Variants in CACNA1B observed in about 807,000 individuals in gnomAD.
CACNA1B encodes the protein voltage-dependent N-type calcium channel subunit alpha-1B.
In CACNA1B, 70 loss-of-function variants were observed where a neutral mutation model predicts 247.2. The observed-to-expected ratio is 0.28, with a 90% CI of 0.23 to 0.35. The LOEUF is 0.35. Ranked by LOEUF, CACNA1B falls within the 10% of genes least tolerant of loss-of-function variation. CACNA1B has a pLI of 1.00. For synonymous variants in CACNA1B, 1,231 were observed against 1,294.4 expected (o/e 0.95, Z 1.05); for missense variants, 2,367 against 3,197.4 (o/e 0.74, Z 6.26).
At chr9:138,105,852 T>G (rs1247996391) in intron 39 of CACNA1B, 45 bp downstream of exon 39, 1 of 1,045,928 alleles carries the variant, frequency 9.6e-7, no homozygotes, top group Non-Finnish European at 1.4e-6. Flanking sequence ...CCCAGGGATG[T>G]GCACCTCCGC....
At chr9:138,070,734 C>T (rs768324822) in intron 32 of CACNA1B, among the ~76,000 whole-genome samples, 10 of 152,252 alleles carry the variant, frequency 6.6e-5, no homozygotes, top group African/African-American at 1.9e-4. Context: ...CTCTGCTCAG[C>T]GTCACCTCCT....
intron 35 of CACNA1B, among the ~76,000 whole-genome samples, chr9:138,077,178 C>T (rs927442840): frequency 1.3e-5 from 2 of 152,194 alleles, no homozygotes; most frequent in Non-Finnish European, 2.9e-5. Flanking sequence ...CCCCCTGCCT[C>T]CGGCTGTCAT....
At chr9:138,119,086 G>A (rs902209024) in intron 44 of CACNA1B, among the ~76,000 whole-genome samples, 6 of 152,072 alleles carry the variant, frequency 3.9e-5, no homozygotes, top group Admixed American at 1.3e-4. Context: ...GCTCAGCCAC[G>A]TTCTGTTCCT....
intron 44 of CACNA1B, 37 bp downstream of exon 44, chr9:138,118,805 C>A: frequency 2.2e-6 from 2 of 929,506 alleles, no homozygotes; most frequent in Non-Finnish European, 3.3e-6. Flanking sequence ...CTGGGCTGGG[C>A]AAGTGGGGGG....
chr9:137,988,450 A>G (rs1190816738), intron 15 of CACNA1B, among the ~76,000 whole-genome samples: 1 of 152,140 alleles, frequency 6.6e-6, no homozygotes, highest in African/African-American at 2.4e-5. Context: ...TGTGTGTTGC[A>G]AGAAAAGACC....
chr9:137,951,021 G>T (rs1358306110), intron 6 of CACNA1B, among the ~76,000 whole-genome samples: 1 of 152,220 alleles, frequency 6.6e-6, no homozygotes, highest in Non-Finnish European at 1.5e-5. Context: ...TGCTTGAGCA[G>T]GTGAGAGGGG....
At chr9:137,887,245 T>TC (rs1464428485) in intron 3 of CACNA1B, among the ~76,000 whole-genome samples, 1 of 144,938 alleles carries the variant, frequency 6.9e-6, no homozygotes, top group Non-Finnish European at 1.5e-5. Flanking sequence ...AGCCATGTGG[T>TC]GGGGGTGAGG....
chr9:138,011,507 C>T lies in CACNA1B; in HGVS notation c.2160+1430C>T, dbSNP rs1958724086. On this transcript the variant is annotated intron_variant, in intron 17 of 46. Transcript: ENST00000371372. This position sits in a 1 kb window ranked among gnomAD's most constrained non-coding sequence, Gnocchi z 4.2. ...AGTTTATGACTCGACCATCCCCTTC[C>T]CTTATATTCCCATAATATTCCCACA... is the stretch of plus-strand genomic sequence containing the variant. 6.6e-6 allele frequency among the ~76,000 whole-genome samples: 1 copy of T among 152,180 alleles called. No homozygotes were observed.
rs1418318247 is a variant in CACNA1B, at chr9:137,881,722, C to T, written c.391-1022C>T. Among the ~76,000 whole-genome samples, 3 of 152,346 alleles carry T rather than the reference C, an allele frequency of 2.0e-5. No individual in the cohort carries two copies. Among genetic ancestry groups the T allele is most frequent in the African/African-American group, 7.2e-5 (3 of 41,588 alleles). On this transcript the variant is annotated intron_variant, in intron 2 of 46. Transcript: ENST00000371372. The surrounding 1 kb of genome is among the most constrained non-coding windows in gnomAD (Gnocchi z 4.3). ...TGTGCTCACGAGGAGTCTTTGGGGT[C>T]TCCCTAAGCTCCACACAGCCCCATC...
chr9:137,878,248 G>T lies in CACNA1B; in HGVS notation c.284+31G>T, dbSNP rs747844000. On this transcript the variant is annotated intron_variant, in intron 1 of 46. Transcript: ENST00000371372. ...CTGCCGGGCGGGGCCGGGCGGGGCC[G>T]GGCGGGGACCGGGGTGGGGGCCGGG... The T allele has an allele frequency of 3.3e-6, 4 of 1,211,722 alleles. No individual in the cohort carries two copies. The Admixed American group carries it at 1.2e-4, about 38-fold the overall frequency. The allele number at this position is 1,211,722 out of a possible 1,614,324, so 75.1% of individuals were successfully genotyped here.
At chr9:138,042,464 CA>C (rs967009048) in intron 20 of CACNA1B, among the ~76,000 whole-genome samples, 425 of 148,350 alleles carry the variant, frequency 2.9e-3, no homozygotes, top group Non-Finnish European at 4.1e-3. Context: ...TAAACAAAAA[CA>C]AAAAAAAAAC....
intron 21 of CACNA1B, among the ~76,000 whole-genome samples, chr9:138,044,687 G>C (rs1047570989): frequency 2.0e-5 from 3 of 152,232 alleles, no homozygotes; most frequent in Non-Finnish European, 4.4e-5. Context: ...GGCCAGAGCA[G>C]GGGCTGGGCA....
chr9:138,092,860 G>A (rs886079321), intron 36 of CACNA1B, among the ~76,000 whole-genome samples: 2 of 152,160 alleles, frequency 1.3e-5, no homozygotes, highest in Non-Finnish European at 2.9e-5. Flanking sequence ...CTCCGTTCAG[G>A]GTCCCTGACT....
chr9:137,920,162 A>G (rs964958679), intron 6 of CACNA1B, among the ~76,000 whole-genome samples: 5 of 151,888 alleles, frequency 3.3e-5, no homozygotes, highest in African/African-American at 9.7e-5. Context: ...ATGGTGAAGC[A>G]TGTCAGTTTG....
intron 15 of CACNA1B, among the ~76,000 whole-genome samples, chr9:137,987,632 T>C (rs1339448869): frequency 6.6e-6 from 1 of 152,206 alleles, no homozygotes; most frequent in Non-Finnish European, 1.5e-5. Flanking sequence ...CTGGGGCTGC[T>C]GATCCTACCC....
intron 15 of CACNA1B, among the ~76,000 whole-genome samples, chr9:137,997,218 T>C (rs1220982165): frequency 6.6e-6 from 1 of 152,222 alleles, no homozygotes; most frequent in East Asian, 1.9e-4. Flanking sequence ...ACTCTGTGTA[T>C]GCTTCAAATG....
Position 138,023,590 on chromosome 9 carries a change from C to A in CACNA1B, c.2847C>A (p.Gly949=), listed in dbSNP as rs1589075155. The A allele has an allele frequency of 2.8e-6, 3 of 1,081,858 alleles. No individual in the cohort carries two copies. The highest frequency in any genetic ancestry group is 5.4e-5 in the Admixed American group (1 of 18,536). 67.0% of individuals were successfully genotyped at this position (1,081,858 alleles called of 1,614,324 possible). The change falls in exon 19 of 47, where the codon GGC becomes GGA. Residue 949 remains glycine, a synonymous_variant. Transcript: ENST00000371372. Reference sequence around the variant, plus strand: ...AGGATCCGAGCAAGGAGTGCGCCGGCGCCAAGGGCGAGCGGCGCGCGCGGC... The same window carrying A: ...AGGATCCGAGCAAGGAGTGCGCCGGAGCCAAGGGCGAGCGGCGCGCGCGGC... ...RHQDPSKECA[G]AKGERRARHR...
chr9:138,048,461 A>C lies in CACNA1B; in HGVS notation c.3604-748A>C, dbSNP rs533180087. Among the ~76,000 whole-genome samples the C allele has an allele frequency of 2.6e-5, 4 of 152,338 alleles. No individual in the cohort carries two copies. In the South Asian group the frequency reaches 8.3e-4, roughly 32 times the overall value. On this transcript the variant is annotated intron_variant, in intron 23 of 46. Transcript: ENST00000371372. ...AGCCCAGGCAGGATCTCAGCCGGTC[A>C]CAAGCCATGTAGGGATATTTGGGTC...
chr9:138,068,294 G>T (rs10867103), intron 31 of CACNA1B, among the ~76,000 whole-genome samples: 23,759 of 152,070 alleles, frequency 0.16, 5,218 homozygotes, highest in African/African-American at 0.49. Flanking sequence ...ATGGTGATGT[G>T]CCGTTCGTAA....
Sources: gnomAD v4.1 joint callset for allele counts (sites outside exome capture counted in the v4.1 genomes callset) on GRCh38, gnomAD v4.1.1 for gene constraint, Gnocchi (gnomAD v3.1) non-coding constraint, MANE v1.5 for transcripts, NCBI Gene and HGNC (gene_info 2026-07-23, HGNC 2026-07-21) for gene names.